Variants in MICU1 observed in about 807,000 individuals in gnomAD.
The protein encoded by MICU1 is calcium uptake protein 1, mitochondrial.
In MICU1, 45 loss-of-function variants were observed where a neutral mutation model predicts 56.8. The ratio of observed to expected loss-of-function variants is 0.79; its 90% confidence interval spans 0.62 to 1.02. The LOEUF is 1.02. Among genes scored for constraint, MICU1 ranks in the 50% least tolerant of loss-of-function variants. MICU1 has a pLI of 0.00. For synonymous variants in MICU1, 186 were observed against 195.1 expected, an observed-to-expected ratio of 0.95 and a Z score of 0.39; for missense variants, 504 against 587.1, an observed-to-expected ratio of 0.86 and a Z score of 1.46.
intron 10 of MICU1, among the ~76,000 whole-genome samples, chr10:72,398,534 A>G (rs1863342806): frequency 6.6e-6 from 1 of 152,180 alleles, no homozygotes; most frequent in Non-Finnish European, 1.5e-5. Context: ...AACAAAATTG[A>G]TAGACAGCTA....
Position 72,611,575 on chromosome 10 carries a change from C to CA in MICU1, c.-2+14434dup, listed in dbSNP as rs574352956. ...GGCAGAGATTGCAGTGACTCCATCT[C>CA]AAAAAAAAGAAAAAGAAAAAACCCT... On this transcript the variant is annotated intron_variant, in intron 1 of 11. Transcript: ENST00000361114. Among the ~76,000 whole-genome samples, 12 of 147,928 alleles carry CA rather than the reference C, an allele frequency of 8.1e-5. No individual in the cohort carries two copies. In the South Asian group the frequency reaches 1.5e-3, roughly 18 times the overall value.
In MICU1 at chr10:72,569,235, A is replaced by ATTTTTTTTTTT. The variant is rs1245936809; in HGVS notation, c.-1-2442_-1-2441insAAAAAAAAAAA. On this transcript the variant is annotated intron_variant, in intron 1 of 11. Coordinates refer to ENST00000361114, the MANE Select transcript of MICU1 (RefSeq NM_001195518.2). ...TATATATATATATATATATATATAT[A>ATTTTTTTTTTT]TATTTTTTTTTTTTTTTGAGATGGC... Among the ~76,000 whole-genome samples, 227 of 42,566 alleles carry ATTTTTTTTTTT rather than the reference A, an allele frequency of 5.3e-3. 12 individuals are homozygous for ATTTTTTTTTTT. The highest frequency in any genetic ancestry group is 7.6e-3 in the Non-Finnish European group (174 of 23,008). 27.9% of individuals were successfully genotyped at this position (42,566 alleles called of 152,430 possible).
At chr10:72,484,552 A>T (rs564592680) in intron 6 of MICU1, among the ~76,000 whole-genome samples, 10 of 152,200 alleles carry the variant, frequency 6.6e-5, no homozygotes, top group Admixed American at 1.3e-4. Context: ...AAACAACTGT[A>T]ATCTAAGAAT....
At chr10:72,587,074 C>A (rs866879366) in intron 1 of MICU1, among the ~76,000 whole-genome samples, 11 of 152,102 alleles carry the variant, frequency 7.2e-5, no homozygotes, top group Admixed American at 1.3e-4. Flanking sequence ...TGAGCAAAGG[C>A]AGTGAGCAAA....
At chr10:72,533,228 C>A in intron 5 of MICU1, 2 of 882,720 alleles carry the variant, frequency 2.3e-6, no homozygotes, top group South Asian at 1.6e-5. Context: ...ATTTTCTATA[C>A]CTAAGAATAA....
intron 8 of MICU1, among the ~76,000 whole-genome samples, chr10:72,430,538 C>T (rs2132155557): frequency 6.6e-6 from 1 of 152,226 alleles, no homozygotes; most frequent in African/African-American, 2.4e-5. Flanking sequence ...AGCCCATGCC[C>T]TGCCTCCCTT....
At chr10:72,384,873 G>A (rs1200073767) in intron 10 of MICU1, among the ~76,000 whole-genome samples, 1 of 152,138 alleles carries the variant, frequency 6.6e-6, no homozygotes, top group Non-Finnish European at 1.5e-5. Flanking sequence ...GAACTGAAGT[G>A]CAAGAGCTTG....
At chr10:72,594,508 G>A (rs1374589920) in intron 1 of MICU1, among the ~76,000 whole-genome samples, 1 of 151,942 alleles carries the variant, frequency 6.6e-6, no homozygotes, top group Non-Finnish European at 1.5e-5. Context: ...GATTTCTTTG[G>A]ATATGATTCC....
chr10:72,373,061 T>C (rs1437267650), intron 11 of MICU1, among the ~76,000 whole-genome samples: 2 of 152,226 alleles, frequency 1.3e-5, no homozygotes, highest in Non-Finnish European at 2.9e-5. Flanking sequence ...GAACCAGGTC[T>C]ATAACTGTAT....
chr10:72,375,699 C>A, intron 11 of MICU1, 84 bp downstream of exon 11: 1 of 1,257,254 alleles, frequency 8.0e-7, no homozygotes, highest in Non-Finnish European at 1.1e-6. Context: ...TACACAGATG[C>A]TGTCCGCAAG....
intron 1 of MICU1, among the ~76,000 whole-genome samples, chr10:72,602,365 C>T (rs1004207002): frequency 6.6e-6 from 1 of 151,482 alleles, no homozygotes; most frequent in African/African-American, 2.4e-5. Context: ...GCAGAAGAAT[C>T]GCTTGAACCC....
intron 1 of MICU1, among the ~76,000 whole-genome samples, chr10:72,605,104 A>G (rs776108604): frequency 5.3e-5 from 8 of 152,198 alleles, no homozygotes; most frequent in Admixed American, 2.6e-4. Context: ...CCCCGCTAAT[A>G]AAACAGGGTG....
intron 9 of MICU1, 51 bp from the exon 10 acceptor site, chr10:72,408,088 C>A: frequency 1.8e-6 from 2 of 1,134,400 alleles, no homozygotes; most frequent in Non-Finnish European, 1.3e-6. Flanking sequence ...CAAAAAGCAG[C>A]ACGATATGCA....
Position 72,367,863 on chromosome 10 carries a change from T to C in MICU1, c.*332A>G, listed in dbSNP as rs1862197186. 4.0e-6 allele frequency: 1 copy of C among 247,762 alleles called. No individual in the cohort carries two copies. Among genetic ancestry groups the C allele is most frequent in the Non-Finnish European group, 7.8e-6 (1 of 128,938 alleles). The allele number at this position is 247,762 out of a possible 1,614,324, so 15.3% of individuals were successfully genotyped here. ...CAAAAACGATTTGAGAACTGGATGC[T>C]TCCCAGGGTTGGCAGGTGTGTGGAT... On this transcript the variant is annotated 3_prime_UTR_variant, in exon 12 of 12. Coordinates refer to ENST00000361114, the MANE Select transcript of MICU1 (RefSeq NM_001195518.2).
At chr10:72,607,210 G>A (rs1455233366) in intron 1 of MICU1, among the ~76,000 whole-genome samples, 1 of 151,508 alleles carries the variant, frequency 6.6e-6, no homozygotes, top group Non-Finnish European at 1.5e-5. Context: ...GCGTCATGGC[G>A]CAAACCTGTA....
At chr10:72,477,405 C>T (rs559476465) in intron 6 of MICU1, 149 bp from the exon 7 acceptor site, 6 of 1,213,382 alleles carry the variant, frequency 4.9e-6, no homozygotes, top group African/African-American at 1.5e-5. Flanking sequence ...GAAAATGAAA[C>T]TGCATTTATT....
At chr10:72,495,730 C>T (rs964760767) in intron 6 of MICU1, among the ~76,000 whole-genome samples, 6 of 150,632 alleles carry the variant, frequency 4.0e-5, no homozygotes, top group Non-Finnish European at 8.8e-5. Context: ...TTAACCTATG[C>T]TAATGACACT....
At chr10:72,474,486 C>T (rs1236046233) in intron 8 of MICU1, among the ~76,000 whole-genome samples, 2 of 152,008 alleles carry the variant, frequency 1.3e-5, no homozygotes, top group East Asian at 1.9e-4. Flanking sequence ...TGTAAATCCC[C>T]AAACACAGTA....
At chr10:72,588,346 G>GC (rs748727668) in intron 1 of MICU1, among the ~76,000 whole-genome samples, 5 of 150,834 alleles carry the variant, frequency 3.3e-5, no homozygotes, top group Non-Finnish European at 7.4e-5. Flanking sequence ...TTATAGCAGT[G>GC]CAAGAATGGA....
Sources: allele counts gnomAD v4.1 joint callset (sites outside exome capture counted in the v4.1 genomes callset), GRCh38; gene constraint gnomAD v4.1.1; transcripts MANE v1.5; gene names NCBI Gene and HGNC (gene_info 2026-07-23, HGNC 2026-07-21).